Variants in FUT8 observed in about 807,000 individuals in gnomAD.
FUT8 encodes alpha-(1,6)-fucosyltransferase.
A neutral mutation model predicts 71.3 loss-of-function variants in FUT8; 29 were observed. That is an observed-to-expected ratio of 0.41 (90% CI 0.30 to 0.55). The LOEUF (loss-of-function observed/expected upper bound fraction) is 0.55. Among genes scored for constraint, FUT8 ranks in the 20% least tolerant of loss-of-function variants. The pLI, the probability that FUT8 is intolerant of heterozygous loss-of-function variation, is 0.34. For synonymous variants in FUT8, 254 were observed against 239.3 expected (o/e 1.06, Z -0.57); for missense variants, 544 against 702.1 (o/e 0.77, Z 2.55).
chr14:65,535,110 TA>T (rs1365376683), intron 2 of FUT8, among the ~76,000 whole-genome samples: 10 of 151,766 alleles, frequency 6.6e-5, no homozygotes, highest in African/African-American at 4.8e-5. Flanking sequence ...TATTTTATTT[TA>T]TTTTTTTTGA....
At chr14:65,540,793 C>A (rs574439662) in intron 2 of FUT8, among the ~76,000 whole-genome samples, 23 of 152,078 alleles carry the variant, frequency 1.5e-4, no homozygotes, top group African/African-American at 5.5e-4. Context: ...AAATAACTAA[C>A]GAAGTGAGAA....
chr14:65,536,142 G>A (rs1248881457), intron 2 of FUT8, among the ~76,000 whole-genome samples: 1 of 152,074 alleles, frequency 6.6e-6, no homozygotes, highest in African/African-American at 2.4e-5. Flanking sequence ...GCCTACGGGT[G>A]TCATTGCACG....
the FUT8 span, among the ~76,000 whole-genome samples, chr14:65,360,437 A>G: frequency 6.6e-6 from 1 of 152,254 alleles, no homozygotes; most frequent in Admixed American, 6.5e-5. Context: ...AAGGCCAGAG[A>G]TGCCTTTTTA....
upstream of FUT8, among the ~76,000 whole-genome samples, chr14:65,407,489 CA>C (rs372173632): frequency 2.7e-3 from 409 of 152,068 alleles, 4 homozygotes; most frequent in African/African-American, 9.3e-3. Flanking sequence ...AAAATAGAGA[CA>C]GGGGTCTTGC....
intron 3 of FUT8, among the ~76,000 whole-genome samples, chr14:65,565,722 A>C (rs183625750): frequency 1.3e-5 from 2 of 152,000 alleles, no homozygotes; most frequent in Admixed American, 1.3e-4. Flanking sequence ...ATATAATACT[A>C]TCTCATTGAG....
chr14:65,585,376 A>G (rs187887766), intron 3 of FUT8, among the ~76,000 whole-genome samples: 1 of 152,224 alleles, frequency 6.6e-6, no homozygotes, highest in Non-Finnish European at 1.5e-5. Context: ...TTGTACAGGC[A>G]GGATCTTGCC....
intron 1 of FUT8, among the ~76,000 whole-genome samples, chr14:65,417,936 T>C (rs977745402): frequency 2.0e-5 from 3 of 152,210 alleles, no homozygotes; most frequent in Admixed American, 6.5e-5. Flanking sequence ...TGAATAAATA[T>C]GAAAACGAAC....
At chr14:65,521,387 A>G (rs539504733) in intron 2 of FUT8, among the ~76,000 whole-genome samples, 1 of 152,340 alleles carries the variant, frequency 6.6e-6, no homozygotes, top group Non-Finnish European at 1.5e-5. Context: ...TACACTCACA[A>G]TATTTATACT....
chr14:65,373,221 G>C, the FUT8 span, among the ~76,000 whole-genome samples: 2 of 151,572 alleles, frequency 1.3e-5, no homozygotes, highest in Non-Finnish European at 2.9e-5. Context: ...AGTCCCTGGC[G>C]AGGGCTCCAC....
chr14:65,368,610 C>G, the FUT8 span, among the ~76,000 whole-genome samples: 2 of 134,916 alleles, frequency 1.5e-5, no homozygotes, highest in African/African-American at 5.2e-5. Context: ...CAAGCTCCGC[C>G]TTCCGGGTTC....
chr14:65,640,685 A>G (rs1228690307), intron 6 of FUT8, among the ~76,000 whole-genome samples: 1 of 152,168 alleles, frequency 6.6e-6, no homozygotes, highest in Admixed American at 6.5e-5. Flanking sequence ...GAGTATTAAC[A>G]TAGAATGGAT....
At chr14:65,617,247 A>G in intron 5 of FUT8, 1 of 1,458,530 alleles carries the variant, frequency 6.9e-7, no homozygotes, top group Non-Finnish European at 9.0e-7. Context: ...ATTTTGAAAA[A>G]TTGCTTGGTT....
intron 3 of FUT8, among the ~76,000 whole-genome samples, chr14:65,614,601 C>T (rs910199165): frequency 3.3e-5 from 5 of 152,094 alleles, no homozygotes; most frequent in South Asian, 2.1e-4. Context: ...TTTGTTCGTT[C>T]GTTTGCCTTT....
At chr14:65,510,179 A>G (rs1188814071) in intron 2 of FUT8, among the ~76,000 whole-genome samples, 3 of 152,126 alleles carry the variant, frequency 2.0e-5, no homozygotes, top group Admixed American at 2.0e-4. Flanking sequence ...TTCAGCATTA[A>G]TTGAAATGGT....
intron 5 of FUT8, 122 bp from the exon 6 acceptor site, chr14:65,629,370 G>A (rs1594835351): frequency 2.2e-5 from 12 of 553,764 alleles, no homozygotes; most frequent in Non-Finnish European, 3.2e-5. Flanking sequence ...AATAAAAGAT[G>A]AGTACCAGTG....
chr14:65,428,377 G>A (rs1195742495), intron 1 of FUT8, among the ~76,000 whole-genome samples: 3 of 152,136 alleles, frequency 2.0e-5, no homozygotes, highest in Non-Finnish European at 4.4e-5. Flanking sequence ...CATGAGCGCA[G>A]AGCTCTCAGG....
At chr14:65,618,879 T>C (rs1342057308) in intron 5 of FUT8, among the ~76,000 whole-genome samples, 1 of 152,152 alleles carries the variant, frequency 6.6e-6, no homozygotes, top group African/African-American at 2.4e-5. Context: ...TCTTGGGCTC[T>C]ATTAGGGTTT....
chr14:65,394,041 C>G, the FUT8 span, among the ~76,000 whole-genome samples: 2 of 152,170 alleles, frequency 1.3e-5, no homozygotes, highest in African/African-American at 4.8e-5. Flanking sequence ...ACCAAAACCT[C>G]CACCTCCTGG....
chr14:65,609,239 G>A (rs1427168957), intron 3 of FUT8, among the ~76,000 whole-genome samples: 1 of 150,772 alleles, frequency 6.6e-6, no homozygotes, highest in South Asian at 2.1e-4. Flanking sequence ...AGGTTGCAGT[G>A]AGCCAGGATC....
Sources: gnomAD v4.1 joint callset for allele counts (sites outside exome capture counted in the v4.1 genomes callset) on GRCh38, gnomAD v4.1.1 for gene constraint, MANE v1.5 for transcripts, NCBI Gene and HGNC (gene_info 2026-07-23, HGNC 2026-07-21) for gene names.